The following TMEM132B variants were observed in gnomAD, a reference collection of about 807,000 sequenced individuals.
TMEM132B encodes transmembrane protein 132B.
In TMEM132B, 18 loss-of-function variants were observed where a neutral mutation model predicts 90.8. The observed-to-expected ratio is 0.20, with a 90% CI of 0.14 to 0.29. TMEM132B has a LOEUF of 0.29. TMEM132B is among the 10% of genes least tolerant of loss of function. TMEM132B has a pLI of 1.00. For missense variants in TMEM132B, 1,096 were observed against 1,326.8 expected (o/e 0.83, Z 2.70); for synonymous variants, 504 against 523.3 (o/e 0.96, Z 0.50).
rs140015327 is a variant in TMEM132B, at chr12:125,352,105, T to C, written c.959+1762T>C. 8.1e-3 allele frequency among the ~76,000 whole-genome samples: 1,239 copies of C among 152,326 alleles called. 16 individuals are homozygous for C. Among genetic ancestry groups the C allele is most frequent in the African/African-American group, 0.028 (1,176 of 41,562 alleles). ...ACAACTGTTCTAGAACTCTGCGTTC[T>C]AGACTGTGAGGTTCAAGTGCTTCTT... On this transcript the variant is annotated intron_variant, in intron 2 of 8. Transcript: ENST00000682704.
rs1885234340 is a variant in TMEM132B, at chr12:125,588,647, T to C, written c.1437+4653T>C. Among the ~76,000 whole-genome samples the C allele has an allele frequency of 2.0e-5, 3 of 152,258 alleles. No homozygotes were observed. In the South Asian group the frequency reaches 6.2e-4, roughly 32 times the overall value. On this transcript the variant is annotated intron_variant, in intron 5 of 8. Transcript: ENST00000682704. ...CCCTCTACACCTGGGTTTTTAGAAA[T>C]ACAAAAGACAGTAGATTTTTTTAAA...
chr12:125,497,320 C>T (rs1484284155), intron 3 of TMEM132B, among the ~76,000 whole-genome samples: 1 of 152,232 alleles, frequency 6.6e-6, no homozygotes, highest in East Asian at 1.9e-4. Context: ...AATGTTATAG[C>T]AATCTGGGAT....
In TMEM132B at chr12:125,658,173, G is replaced by A. The variant is rs1441246416; in HGVS notation, c.*3463G>A. 2 of 152,174 alleles carry A rather than the reference G, an allele frequency of 1.3e-5. No homozygotes were observed. The highest frequency in any genetic ancestry group is 1.9e-4 in the East Asian group (1 of 5,194). 9.4% of individuals were successfully genotyped at this position (152,174 alleles called of 1,614,324 possible). ...CTATAATAATCCTGACTATGTAGAC[G>A]GAAGTTTCTATTTATAAAGTCATGC... On this transcript the variant is annotated 3_prime_UTR_variant, in exon 9 of 9. Transcript: ENST00000682704.
intron 3 of TMEM132B, among the ~76,000 whole-genome samples, chr12:125,461,118 A>T (rs1881425096): frequency 6.6e-6 from 1 of 152,222 alleles, no homozygotes; most frequent in African/African-American, 2.4e-5. Flanking sequence ...GCAAAGTTAG[A>T]TTGGAATACT....
At chr12:125,501,971 C>T (rs147467292) in intron 3 of TMEM132B, among the ~76,000 whole-genome samples, 1 of 152,288 alleles carries the variant, frequency 6.6e-6, no homozygotes, top group Non-Finnish European at 1.5e-5. Context: ...TCATTTTGTG[C>T]ATGTATGTGC....
intron 1 of TMEM132B, among the ~76,000 whole-genome samples, chr12:125,237,483 C>T (rs925923229): frequency 6.6e-6 from 1 of 152,196 alleles, no homozygotes; most frequent in African/African-American, 2.4e-5. Context: ...GGGCTTCACT[C>T]TGTTGCCCAG....
chr12:125,322,740 G>C (rs1876462629), intron 1 of TMEM132B, among the ~76,000 whole-genome samples: 1 of 152,084 alleles, frequency 6.6e-6, no homozygotes, highest in African/African-American at 2.4e-5. Flanking sequence ...AAGTATAAAA[G>C]TGATTATAAT....
At chr12:125,635,528 A>T (rs1886460373) in intron 5 of TMEM132B, among the ~76,000 whole-genome samples, 1 of 152,086 alleles carries the variant, frequency 6.6e-6, no homozygotes, top group Non-Finnish European at 1.5e-5. Context: ...CATTTTCTTT[A>T]TCCAGTCTAT....
rs376748099 is a variant in TMEM132B, at chr12:125,612,397, A to T, written c.1437+28403A>T. On this transcript the variant is annotated intron_variant, in intron 5 of 8. Transcript: ENST00000682704. ...AGAATCGCTTGAACCCGGGAGGTGG[A>T]GGTTGCAGTGAGCTGAGATCGCTTG... Among the ~76,000 whole-genome samples, 9 of 151,872 alleles carry T rather than the reference A, an allele frequency of 5.9e-5. No homozygotes were observed. In the East Asian group the frequency reaches 1.2e-3, roughly 20 times the overall value.
chr12:125,426,662 C>T (rs393847), intron 3 of TMEM132B, among the ~76,000 whole-genome samples: 111,083 of 152,164 alleles, frequency 0.73, 42,671 homozygotes, highest in East Asian at 0.97. Flanking sequence ...TGTTTCTGAC[C>T]GGGTCTTTCC....
intron 1 of TMEM132B, among the ~76,000 whole-genome samples, chr12:125,288,108 A>G (rs1198996802): frequency 2.0e-5 from 3 of 150,896 alleles, no homozygotes; most frequent in East Asian, 4.1e-4. Context: ...TCCTGACTTC[A>G]GGTGATCCGC....
intron 5 of TMEM132B, chr12:125,584,388 A>G (rs781633806): frequency 1.1e-5 from 2 of 182,872 alleles, no homozygotes; most frequent in African/African-American, 2.4e-5. Flanking sequence ...TACTCAATAT[A>G]TTTTCTTTAA....
At chr12:125,636,651 A>G (rs776202314) in intron 5 of TMEM132B, among the ~76,000 whole-genome samples, 14 of 152,276 alleles carry the variant, frequency 9.2e-5, no homozygotes, top group South Asian at 2.1e-4. Context: ...TTTAGATGCA[A>G]TGAGTTTCCA....
chr12:125,555,540 C>T (rs1374152962), intron 4 of TMEM132B, among the ~76,000 whole-genome samples: 3 of 126,362 alleles, frequency 2.4e-5, no homozygotes, highest in Non-Finnish European at 4.7e-5. Context: ...AGGAATAATA[C>T]CAGCTGAGAT....
At chr12:125,345,007 G>A (rs1877311678) in intron 1 of TMEM132B, among the ~76,000 whole-genome samples, 2 of 152,114 alleles carry the variant, frequency 1.3e-5, no homozygotes. Flanking sequence ...TGGCCTTCAC[G>A]ACCATGAAAT....
At chr12:125,204,283 C>T (rs1350179001) in intron 1 of TMEM132B, among the ~76,000 whole-genome samples, 43 of 138,056 alleles carry the variant, frequency 3.1e-4, no homozygotes, top group African/African-American at 1.0e-3. Context: ...TGGAGTATCT[C>T]ATGAATCCTT....
chr12:125,268,279 A>G (rs1874743000), intron 1 of TMEM132B, among the ~76,000 whole-genome samples: 1 of 152,210 alleles, frequency 6.6e-6, no homozygotes. Flanking sequence ...TAAAATTACA[A>G]ATGCACACAC....
intron 1 of TMEM132B, among the ~76,000 whole-genome samples, chr12:125,307,841 A>ATAAGT (rs369767281): frequency 1.0e-4 from 4 of 38,486 alleles, no homozygotes; most frequent in African/African-American, 2.3e-4. Flanking sequence ...TACTTATATT[A>ATAAGT]ATATATACTT....
intron 5 of TMEM132B, among the ~76,000 whole-genome samples, chr12:125,611,078 C>T (rs982770122): frequency 6.6e-6 from 1 of 152,060 alleles, no homozygotes; most frequent in African/African-American, 2.4e-5. Context: ...GTTTACTTGT[C>T]ATAGGCCTAT....
Sources: allele counts gnomAD v4.1 joint callset (sites outside exome capture counted in the v4.1 genomes callset), GRCh38; gene constraint gnomAD v4.1.1; transcripts MANE v1.5; gene names NCBI Gene and HGNC (gene_info 2026-07-23, HGNC 2026-07-21).